EPHA6: variants seen among roughly 807,000 people sequenced by gnomAD.
EPHA6 encodes ephrin type-A receptor 6.
EPHA6 carries 50 observed loss-of-function variants against 112.0 expected under a neutral mutation model. The observed-to-expected ratio is 0.45, with a 90% CI of 0.36 to 0.56. The LOEUF (loss-of-function observed/expected upper bound fraction) is 0.56, where lower values mean the gene tolerates loss of function less well. EPHA6 is among the 20% of genes least tolerant of loss of function. The probability of loss-of-function intolerance (pLI) is 0.00; values close to 1 mark genes in which losing one functional copy is unlikely to be tolerated. For synonymous variants in EPHA6, 529 were observed against 490.7 expected, an observed-to-expected ratio of 1.08 and a Z score of -1.03; for missense variants, 1,280 against 1,417.4, an observed-to-expected ratio of 0.90 and a Z score of 1.56.
chr3:97,533,972 A>G (rs910564211), intron 11 of EPHA6, among the ~76,000 whole-genome samples: 2 of 152,148 alleles, frequency 1.3e-5, no homozygotes, highest in Admixed American at 6.6e-5. Flanking sequence ...CCATCAACCC[A>G]TAAATCACAA....
chr3:97,221,187 C>T (rs1238905323), intron 3 of EPHA6, among the ~76,000 whole-genome samples: 1 of 151,238 alleles, frequency 6.6e-6, no homozygotes, highest in East Asian at 1.9e-4. Flanking sequence ...GTGGTGCATG[C>T]CTGAGAACCC....
chr3:97,347,259 G>T (rs932504427), intron 5 of EPHA6, among the ~76,000 whole-genome samples: 2 of 151,438 alleles, frequency 1.3e-5, no homozygotes, highest in African/African-American at 4.9e-5. Flanking sequence ...ATCCACTTTG[G>T]CTTCTTTACA....
At chr3:97,190,078 A>C (rs1312659139) in intron 3 of EPHA6, among the ~76,000 whole-genome samples, 1 of 152,098 alleles carries the variant, frequency 6.6e-6, no homozygotes, top group Non-Finnish European at 1.5e-5. Context: ...TGGATACAGT[A>C]GGCAGGGTCA....
intron 12 of EPHA6, among the ~76,000 whole-genome samples, chr3:97,604,433 C>T (rs1227417356): frequency 6.6e-6 from 1 of 151,610 alleles, no homozygotes; most frequent in African/African-American, 2.4e-5. Flanking sequence ...TTTACTTTCA[C>T]TTAGCCAAAG....
At chr3:97,477,642 A>G (rs1043466273) in intron 8 of EPHA6, among the ~76,000 whole-genome samples, 1 of 152,246 alleles carries the variant, frequency 6.6e-6, no homozygotes, top group Admixed American at 6.5e-5. Flanking sequence ...CCACTACTTT[A>G]GCATTGCTAC....
intron 5 of EPHA6, among the ~76,000 whole-genome samples, chr3:97,299,815 CTCT>C (rs1485138505): frequency 6.6e-6 from 1 of 152,122 alleles, no homozygotes; most frequent in Non-Finnish European, 1.5e-5. Flanking sequence ...TGTAAATTAA[CTCT>C]TCTTAGGTTG....
At chr3:97,173,843 TG>T (rs917121963) in intron 3 of EPHA6, among the ~76,000 whole-genome samples, 3 of 151,830 alleles carry the variant, frequency 2.0e-5, no homozygotes, top group African/African-American at 7.2e-5. Flanking sequence ...TCATGGAGAA[TG>T]GGGTATCCAT....
chr3:97,051,161 A>G (rs2108085504), intron 3 of EPHA6, among the ~76,000 whole-genome samples: 1 of 152,292 alleles, frequency 6.6e-6, no homozygotes, highest in Non-Finnish European at 1.5e-5. Flanking sequence ...TTAATAAGCT[A>G]TCCATCACTC....
At chr3:97,582,335 C>T (rs867630947) in intron 11 of EPHA6, among the ~76,000 whole-genome samples, 1 of 151,878 alleles carries the variant, frequency 6.6e-6, no homozygotes, top group Non-Finnish European at 1.5e-5. Context: ...GGCCATAAAG[C>T]CACTCTTATG....
intron 2 of EPHA6, among the ~76,000 whole-genome samples, chr3:96,948,477 A>G (rs1486465593): frequency 6.6e-6 from 1 of 152,210 alleles, no homozygotes; most frequent in Non-Finnish European, 1.5e-5. Context: ...TTTCCCTGAA[A>G]GTCAGGAGAA....
chr3:97,103,284 T>A (rs1462931333), intron 3 of EPHA6, among the ~76,000 whole-genome samples: 3 of 152,162 alleles, frequency 2.0e-5, no homozygotes, highest in Non-Finnish European at 2.9e-5. Flanking sequence ...GGTTTTACAT[T>A]AAAGTCTTTA....
intron 14 of EPHA6, among the ~76,000 whole-genome samples, chr3:97,657,630 A>AT (rs1465019460): frequency 1.3e-5 from 2 of 151,842 alleles, no homozygotes; most frequent in African/African-American, 4.8e-5. Context: ...AATAAAACTG[A>AT]CCACTCTATT....
intron 5 of EPHA6, among the ~76,000 whole-genome samples, chr3:97,268,860 T>C (rs1029228673): frequency 1.6e-4 from 24 of 152,188 alleles, no homozygotes; most frequent in African/African-American, 5.3e-4. Flanking sequence ...TATACTATTA[T>C]GAGTGATTCT....
chr3:96,988,927 CAAAAA>C (rs2043118647), intron 3 of EPHA6, among the ~76,000 whole-genome samples: 1 of 151,836 alleles, frequency 6.6e-6, no homozygotes, highest in Non-Finnish European at 1.5e-5. Context: ...TATATACATT[CAAAAA>C]TTTTATATAC....
intron 2 of EPHA6, among the ~76,000 whole-genome samples, chr3:96,986,245 A>G (rs2043017675): frequency 6.6e-6 from 1 of 152,228 alleles, no homozygotes; most frequent in South Asian, 2.1e-4. Context: ...TCCCTTAAAA[A>G]TGGACAAAGT....
chr3:97,283,818 A>G (rs1190157389), intron 5 of EPHA6, among the ~76,000 whole-genome samples: 2 of 152,182 alleles, frequency 1.3e-5, no homozygotes, highest in East Asian at 3.8e-4. Flanking sequence ...TAAGTACATT[A>G]CTTGTGATAA....
At chr3:96,957,344 C>T (rs527282866) in intron 2 of EPHA6, among the ~76,000 whole-genome samples, 8 of 152,070 alleles carry the variant, frequency 5.3e-5, no homozygotes, top group East Asian at 1.9e-4. Flanking sequence ...GGTAGACAGA[C>T]GTTCTCAATT....
chr3:97,629,516 C>G (rs1304618329), intron 13 of EPHA6, among the ~76,000 whole-genome samples: 1 of 151,900 alleles, frequency 6.6e-6, no homozygotes, highest in African/African-American at 2.4e-5. Context: ...ACTGTATTAA[C>G]TGATACCATG....
chr3:97,017,866 A>G lies in EPHA6; in HGVS notation c.1114+29873A>G, dbSNP rs186934554. On this transcript the variant is annotated intron_variant, in intron 3 of 17. Transcript: ENST00000389672. Reference sequence around the variant, plus strand: ...GATGTTCTTTGTTGTTATCCCTTTGAATAAACTTTCTATGCCTATCTTTTT... The same window carrying G: ...GATGTTCTTTGTTGTTATCCCTTTGGATAAACTTTCTATGCCTATCTTTTT... Among the ~76,000 whole-genome samples, 3 of 152,098 alleles carry G rather than the reference A, an allele frequency of 2.0e-5. No individual in the cohort carries two copies. In the East Asian group the frequency reaches 5.8e-4, roughly 30 times the overall value.
Sources: allele counts gnomAD v4.1 joint callset (sites outside exome capture counted in the v4.1 genomes callset), GRCh38; gene constraint gnomAD v4.1.1; transcripts MANE v1.5; gene names NCBI Gene and HGNC (gene_info 2026-07-23, HGNC 2026-07-21).